PTK2: variants seen among roughly 807,000 people sequenced by gnomAD.
The protein encoded by PTK2 is focal adhesion kinase 1.
PTK2 carries 45 observed loss-of-function variants against 150.1 expected under a neutral mutation model. The observed-to-expected ratio is 0.30, with a 90% CI of 0.24 to 0.38. PTK2 has a LOEUF of 0.38. Among genes scored for constraint, PTK2 ranks in the 10% least tolerant of loss-of-function variants. The pLI is 1.00. For synonymous variants in PTK2, 432 were observed against 449.2 expected, an observed-to-expected ratio of 0.96 and a Z score of 0.48; for missense variants, 919 against 1,307.3, an observed-to-expected ratio of 0.70 and a Z score of 4.58.
chr8:140,917,735 A>G (rs1293973161), intron 2 of PTK2, among the ~76,000 whole-genome samples: 1 of 151,984 alleles, frequency 6.6e-6, no homozygotes, highest in African/African-American at 2.4e-5. Flanking sequence ...TGTCAAGAAG[A>G]AAAAAAACTG....
chr8:140,986,964 A>G (rs973029452), intron 1 of PTK2, among the ~76,000 whole-genome samples: 4 of 152,218 alleles, frequency 2.6e-5, no homozygotes, highest in African/African-American at 9.6e-5. Context: ...GGCAACTCTT[A>G]AATATGACAC....
chr8:140,759,479 A>G (rs2100067938), intron 16 of PTK2, among the ~76,000 whole-genome samples: 1 of 141,530 alleles, frequency 7.1e-6, no homozygotes, highest in Admixed American at 7.5e-5. Context: ...GGCTGCAGAG[A>G]GCCATGATTG....
At chr8:140,681,238 A>C (rs945698956) in intron 27 of PTK2, among the ~76,000 whole-genome samples, 33 of 151,936 alleles carry the variant, frequency 2.2e-4, no homozygotes. Flanking sequence ...CTGTAATCCC[A>C]GCTACTTGGG....
intron 2 of PTK2, among the ~76,000 whole-genome samples, chr8:140,907,572 A>G (rs993507700): frequency 6.6e-6 from 1 of 152,134 alleles, no homozygotes; most frequent in Non-Finnish European, 1.5e-5. Flanking sequence ...AAAAACAACA[A>G]CAACAAAAAA....
chr8:140,724,447 A>C (rs1349152262), intron 22 of PTK2, among the ~76,000 whole-genome samples: 1 of 152,184 alleles, frequency 6.6e-6, no homozygotes, highest in Non-Finnish European at 1.5e-5. Flanking sequence ...TTTAAATGTA[A>C]TAAATACTTT....
At chr8:140,925,958 A>G (rs1340386657) in intron 1 of PTK2, among the ~76,000 whole-genome samples, 1 of 152,212 alleles carries the variant, frequency 6.6e-6, no homozygotes, top group Non-Finnish European at 1.5e-5. Flanking sequence ...CCTTCTTCCA[A>G]GTACTTTAAA....
intron 29 of PTK2, chr8:140,672,088 T>C (rs2095596470): frequency 2.3e-6 from 1 of 437,148 alleles, no homozygotes. Flanking sequence ...AATTCTAAGG[T>C]GGTACCGATC....
chr8:140,958,290 C>T (rs1362062638), intron 1 of PTK2, among the ~76,000 whole-genome samples: 1 of 152,016 alleles, frequency 6.6e-6, no homozygotes, highest in Admixed American at 6.6e-5. Context: ...AGGTCTGTGC[C>T]ACCATACCCA....
intron 1 of PTK2, among the ~76,000 whole-genome samples, chr8:140,926,089 A>G (rs1341630316): frequency 6.6e-6 from 1 of 152,206 alleles, no homozygotes; most frequent in African/African-American, 2.4e-5. Context: ...ACAATATCGC[A>G]GAACTTCTGA....
chr8:140,927,975 A>AATATATAT (rs1179717665), intron 1 of PTK2, among the ~76,000 whole-genome samples: 1,318 of 47,742 alleles, frequency 0.028, 20 homozygotes, highest in Middle Eastern at 0.033. Flanking sequence ...AAAAAAAAAA[A>AATATATAT]ATATATATAT....
chr8:140,919,797 TAATC>T (rs914498364), intron 2 of PTK2, among the ~76,000 whole-genome samples: 1 of 152,166 alleles, frequency 6.6e-6, no homozygotes, highest in African/African-American at 2.4e-5. Flanking sequence ...TCTAATTACA[TAATC>T]AAGTGAACAA....
exon 20 of PTK2, chr8:140,743,255 A>G (rs1411116097): frequency 6.8e-6 from 11 of 1,609,468 alleles, no homozygotes; most frequent in Non-Finnish European, 9.4e-6. Context: ...TATCTTCCAT[A>G]TATCGGGATA....
chr8:140,970,889 C>CA (rs71310809), intron 1 of PTK2, among the ~76,000 whole-genome samples: 60,405 of 144,496 alleles, frequency 0.42, 13,913 homozygotes, highest in Non-Finnish European at 0.54. Flanking sequence ...AGAAATATGT[C>CA]AAAAAAAAAA....
intron 1 of PTK2, among the ~76,000 whole-genome samples, chr8:140,954,343 T>C (rs1280577103): frequency 1.3e-5 from 2 of 152,216 alleles, no homozygotes; most frequent in African/African-American, 4.8e-5. Context: ...GTGCTGGGAT[T>C]ACAAGCATGA....
intron 2 of PTK2, among the ~76,000 whole-genome samples, chr8:140,897,779 T>C (rs1248680547): frequency 6.6e-6 from 1 of 152,220 alleles, no homozygotes; most frequent in African/African-American, 2.4e-5. Context: ...ATGGCTAAAG[T>C]TGAACAGCTG....
chr8:140,776,075 C>T (rs1484418019), intron 14 of PTK2, among the ~76,000 whole-genome samples: 1 of 152,150 alleles, frequency 6.6e-6, no homozygotes, highest in East Asian at 1.9e-4. Context: ...CGTGATCTTG[C>T]TTACTATAAC....
chr8:140,789,938 G>C (rs924079578), intron 13 of PTK2, among the ~76,000 whole-genome samples: 2 of 152,092 alleles, frequency 1.3e-5, no homozygotes, highest in African/African-American at 4.8e-5. Flanking sequence ...ACTACAGTAT[G>C]ACTGGTCTTT....
chr8:140,972,234 GC>G (rs1432378764), intron 1 of PTK2, among the ~76,000 whole-genome samples: 1 of 151,644 alleles, frequency 6.6e-6, no homozygotes. Flanking sequence ...TTTTAATTAT[GC>G]TCAATTGTTT....
intron 2 of PTK2, among the ~76,000 whole-genome samples, chr8:140,905,193 G>C (rs1429910145): frequency 6.6e-6 from 1 of 152,114 alleles, no homozygotes; most frequent in African/African-American, 2.4e-5. Context: ...TTAAATGTAA[G>C]TGTGCTAAAT....
Sources: gnomAD v4.1 joint callset for allele counts (sites outside exome capture counted in the v4.1 genomes callset) on GRCh38, gnomAD v4.1.1 for gene constraint, MANE v1.5 for transcripts, NCBI Gene and HGNC (gene_info 2026-07-23, HGNC 2026-07-21) for gene names.